Variants in ZNF462 observed in about 807,000 individuals in gnomAD.
ZNF462 encodes the protein zinc finger protein 462.
Under a neutral mutation model 201.9 loss-of-function variants are expected in ZNF462, and 10 were observed. The ratio of observed to expected loss-of-function variants is 0.05; its 90% CI spans 0.03 to 0.08. The LOEUF (loss-of-function observed/expected upper bound fraction) is 0.08, where lower values mean the gene tolerates loss of function less well. Among genes scored for constraint, ZNF462 ranks in the 10% least tolerant of loss-of-function variants. ZNF462 has a pLI of 1.00. For missense variants in ZNF462, 2,523 were observed against 3,168.3 expected (o/e 0.80, Z 4.89); for synonymous variants, 1,227 against 1,193.3 (o/e 1.03, Z -0.58).
chr9:106,945,593 G>A (rs940658277), intron 7 of ZNF462, among the ~76,000 whole-genome samples: 1 of 152,176 alleles, frequency 6.6e-6, no homozygotes, highest in Non-Finnish European at 1.5e-5. Context: ...TAGCACATGC[G>A]ATGTAAGACA....
chr9:106,865,455 T>G lies in ZNF462; in HGVS notation c.-31+2100T>G, dbSNP rs1167289007. On this transcript the variant is annotated intron_variant, in intron 1 of 12. Coordinates refer to ENST00000277225, the MANE Select transcript of ZNF462 (RefSeq NM_021224.6). The surrounding 1 kb of genome is among the most constrained non-coding windows in gnomAD (Gnocchi z 4.1). Reference sequence around the variant, plus strand: ...CATTGCAAGACTTTATTGTCTGATTTGAGTTGATTTCTGCAAATATAAAAA... The same window carrying G: ...CATTGCAAGACTTTATTGTCTGATTGGAGTTGATTTCTGCAAATATAAAAA... 6.6e-6 allele frequency among the ~76,000 whole-genome samples: 1 copy of G among 152,214 alleles called. No individual in the cohort carries two copies. Among genetic ancestry groups the G allele is most frequent in the African/African-American group, 2.4e-5 (1 of 41,456 alleles).
intron 10 of ZNF462, among the ~76,000 whole-genome samples, chr9:106,999,429 A>G (rs572702355): frequency 6.6e-6 from 1 of 152,330 alleles, no homozygotes; most frequent in African/African-American, 2.4e-5. Flanking sequence ...CTTAAATACA[A>G]TAAGGTTTAT....
At position 106,923,190 on chromosome 9, in the gene ZNF462, A is replaced by G. The variant is rs555596870; in HGVS notation, c.-30-164A>G. ...TGAGGTCAAGGACATCATCTCCATT[A>G]TGTCTGATTGCCTCTCTTTAGCCAA... On this transcript the variant is annotated intron_variant, in intron 1 of 12. Transcript: ENST00000277225. The surrounding 1 kb of genome is among the most constrained non-coding windows in gnomAD (Gnocchi z 5.6). Among the ~76,000 whole-genome samples the G allele has an allele frequency of 1.0e-3, 156 of 152,320 alleles. No homozygotes were observed. Among genetic ancestry groups the G allele is most frequent in the Middle Eastern group, 6.8e-3 (2 of 294 alleles).
rs1390219929 is a variant in ZNF462, at chr9:106,981,836, G to C, written c.6833-2350G>C. Among the ~76,000 whole-genome samples, 1 of 152,166 alleles carries C rather than the reference G, an allele frequency of 6.6e-6. No homozygotes were observed. Among genetic ancestry groups the C allele is most frequent in the Admixed American group, 6.5e-5 (1 of 15,270 alleles). ...GAATGACTATCTTTGAGGCGTGTGG[G>C]ACATCATTATATGAAAAATGATACC... is the stretch of plus-strand genomic sequence containing the variant. On this transcript the variant is annotated intron_variant, in intron 9 of 12. Transcript: ENST00000277225. This position sits in a 1 kb window ranked among gnomAD's most constrained non-coding sequence, Gnocchi z 4.0.
Position 106,928,164 on chromosome 9 carries a change from C to G in ZNF462, c.4252C>G (p.Leu1418Val), listed in dbSNP as rs758226459. 1.9e-6 allele frequency: 3 copies of G among 1,614,164 alleles called. No homozygotes were observed. The South Asian group carries it at 3.3e-5, about 18-fold the overall frequency. The part of the protein sequence containing the change: ...KEKDAVEKPI[L>V]SSEELAGPVN... ...GAAAGATGCTGTGGAGAAGCCCATT[C>G]TTTCATCCGAAGAGTTGGCAGGCCC... The change falls in exon 3 of 13, where the codon CTT (leucine) becomes GTT (valine). Residue 1418 changes from leucine (L) to valine (V), a missense_variant. Physicochemically the swap from Leu to Val is conservative, Grantham distance 32. This residue lies in a region of ZNF462 where 165 missense variants were observed against 142.6 expected (regional missense o/e 1.16). Coordinates refer to ENST00000277225, the MANE Select transcript of ZNF462 (RefSeq NM_021224.6). The surrounding 1 kb of genome is among the most constrained non-coding windows in gnomAD (Gnocchi z 9.3).
At chr9:106,864,077 TC>T (rs1827196740) in intron 1 of ZNF462, among the ~76,000 whole-genome samples, 1 of 135,240 alleles carries the variant, frequency 7.4e-6, no homozygotes, top group Non-Finnish European at 1.6e-5. Context: ...TCTCTCTCTC[TC>T]TCTCTCTCTC....
chr9:106,945,740 T>TA (rs1377519996), intron 7 of ZNF462, among the ~76,000 whole-genome samples: 1 of 152,080 alleles, frequency 6.6e-6, no homozygotes, highest in African/African-American at 2.4e-5. Context: ...TTTTAACACT[T>TA]ACTATGTTTC....
chr9:106,979,563 G>C (rs1319437170), intron 9 of ZNF462: 1 of 151,468 alleles, frequency 6.6e-6, no homozygotes, highest in East Asian at 1.9e-4. Flanking sequence ...ATCTTGGGCA[G>C]CTGGAGGAGA....
chr9:107,012,605 T>C lies in ZNF462; in HGVS notation c.*1575T>C, dbSNP rs1042091971. Reference sequence around the variant, plus strand: ...TCCAAAAAATAGAAAAGAACTTTTCTTGAAGCCTAGGTTTTAGAAGCCCGT... The same window carrying C: ...TCCAAAAAATAGAAAAGAACTTTTCCTGAAGCCTAGGTTTTAGAAGCCCGT... On this transcript the variant is annotated 3_prime_UTR_variant, in exon 13 of 13. Coordinates refer to ENST00000277225, the MANE Select transcript of ZNF462 (RefSeq NM_021224.6). 6.6e-6 allele frequency: 1 copy of C among 151,832 alleles called. No homozygotes were observed. Among genetic ancestry groups the C allele is most frequent in the Non-Finnish European group, 1.5e-5 (1 of 67,990 alleles). 9.4% of individuals were successfully genotyped at this position (151,832 alleles called of 1,614,324 possible).
intron 1 of ZNF462, among the ~76,000 whole-genome samples, chr9:106,918,639 A>G (rs1298548637): frequency 6.6e-6 from 1 of 152,184 alleles, no homozygotes; most frequent in African/African-American, 2.4e-5. Flanking sequence ...ATCATTTTTC[A>G]TCTTAAGGTC....
At position 106,871,323 on chromosome 9, in the gene ZNF462, C is replaced by G. The variant is rs1249338429; in HGVS notation, c.-31+7968C>G. 7.2e-5 allele frequency among the ~76,000 whole-genome samples: 11 copies of G among 152,128 alleles called. No homozygotes were observed. In the South Asian group the frequency reaches 2.3e-3, roughly 31 times the overall value. On this transcript the variant is annotated intron_variant, in intron 1 of 12. Transcript: ENST00000277225. ...CTGTCAGAAAAGCAAACAGTAGCAT[C>G]AGCACAAGTAGAAAATAGACAAGGT...
intron 1 of ZNF462, among the ~76,000 whole-genome samples, chr9:106,871,868 T>G (rs539301016): frequency 6.6e-6 from 1 of 152,264 alleles, no homozygotes; most frequent in African/African-American, 2.4e-5. Flanking sequence ...CCATAGAGCT[T>G]CTCTACCTAC....
chr9:106,995,117 A>G (rs1421648451), intron 10 of ZNF462, among the ~76,000 whole-genome samples: 1 of 152,016 alleles, frequency 6.6e-6, no homozygotes, highest in East Asian at 1.9e-4. Flanking sequence ...GCCAGCCACA[A>G]AGCTCTGAGC....
intron 1 of ZNF462, among the ~76,000 whole-genome samples, chr9:106,864,062 CT>C (rs1564062369): frequency 1.4e-4 from 13 of 93,930 alleles, no homozygotes; most frequent in African/African-American, 4.7e-4. Flanking sequence ...CTCTCTCTCT[CT>C]CTCTCTCTCT....
chr9:107,011,514 A>G lies in ZNF462; in HGVS notation c.*484A>G, dbSNP rs1042698283. 1 of 118,900 alleles carries G rather than the reference A, an allele frequency of 8.4e-6. No homozygotes were observed. Among genetic ancestry groups the G allele is most frequent in the Non-Finnish European group, 1.6e-5 (1 of 63,504 alleles). The allele number at this position is 118,900 out of a possible 1,614,324, so 7.4% of individuals were successfully genotyped here. A position where few individuals can be genotyped will look rare whatever the true frequency, so the allele number is the denominator to read the frequency against. On this transcript the variant is annotated 3_prime_UTR_variant, in exon 13 of 13. Coordinates refer to ENST00000277225, the MANE Select transcript of ZNF462 (RefSeq NM_021224.6). The surrounding 1 kb of genome is among the most constrained non-coding windows in gnomAD (Gnocchi z 5.6). The stretch of plus-strand genomic sequence containing the variant: ...AAACAAAAAACAAAAAACAGAAAAC[A>G]AAAAAAAAAAAACTGCTTTGCATAA...
intron 1 of ZNF462, among the ~76,000 whole-genome samples, chr9:106,887,445 T>C (rs1828369991): frequency 6.6e-6 from 1 of 152,214 alleles, no homozygotes; most frequent in African/African-American, 2.4e-5. Flanking sequence ...ACTGGAACCT[T>C]GGTTCCCTGA....
Position 106,954,140 on chromosome 9 carries a change from G to A in ZNF462, c.6427+15033G>A, listed in dbSNP as rs1481388896. 5.3e-5 allele frequency among the ~76,000 whole-genome samples: 8 copies of A among 152,056 alleles called. No homozygotes were observed. Among genetic ancestry groups the A allele is most frequent in the Non-Finnish European group, 8.8e-5 (6 of 68,006 alleles). On this transcript the variant is annotated intron_variant, in intron 7 of 12. Transcript: ENST00000277225. This position sits in a 1 kb window ranked among gnomAD's most constrained non-coding sequence, Gnocchi z 4.0. ...CTCTGCATGGCCTGTGTATTAGTCC[G>A]TTTTCACATTGCTATAAAGAACTAC...
At chr9:106,901,467 T>C (rs1829062014) in intron 1 of ZNF462, among the ~76,000 whole-genome samples, 1 of 152,170 alleles carries the variant, frequency 6.6e-6, no homozygotes, top group African/African-American at 2.4e-5. Context: ...ATGGTGGTAT[T>C]CTGACGGAGA....
chr9:106,959,592 T>G (rs2131877565), intron 7 of ZNF462, among the ~76,000 whole-genome samples: 1 of 152,238 alleles, frequency 6.6e-6, no homozygotes, highest in South Asian at 2.1e-4. Context: ...AGAGGTGTGT[T>G]GGGTTAAAAG....
Sources: allele counts gnomAD v4.1 joint callset (sites outside exome capture counted in the v4.1 genomes callset), GRCh38; gene constraint gnomAD v4.1.1; regional missense constraint gnomAD v4.1.1; non-coding constraint Gnocchi (gnomAD v3.1); transcripts MANE v1.5; gene names NCBI Gene and HGNC (gene_info 2026-07-23, HGNC 2026-07-21).